The following KCND3 variants were observed in gnomAD, a reference collection of about 807,000 sequenced individuals.
The protein encoded by KCND3 is A-type voltage-gated potassium channel KCND3.
In KCND3, 9 loss-of-function variants were observed where a neutral mutation model predicts 51.1. That is an observed-to-expected ratio of 0.18 (90% CI 0.11 to 0.31). The LOEUF (loss-of-function observed/expected upper bound fraction) is 0.31. Among genes scored for constraint, KCND3 ranks in the 10% least tolerant of loss-of-function variants. The pLI is 1.00. For missense variants in KCND3, 526 were observed against 903.8 expected, an observed-to-expected ratio of 0.58 and a Z score of 5.36; for synonymous variants, 349 against 368.0, an observed-to-expected ratio of 0.95 and a Z score of 0.59.
At position 111,838,593 on chromosome 1, in the gene KCND3, G is replaced by C. The variant is rs575613450; in HGVS notation, c.1107-51487C>G. ...AATGGCTTGAACCTGGGAGGCGGAG[G>C]TTGCAGTGAGCCGAGATCGCACCAC... On this transcript the variant is annotated intron_variant, in intron 2 of 7. Transcript: ENST00000302127. Among the ~76,000 whole-genome samples the C allele has an allele frequency of 1.6e-3, 239 of 152,176 alleles. 2 individuals are homozygous for C. The highest frequency in any genetic ancestry group is 5.3e-3 in the African/African-American group (221 of 41,500).
chr1:111,983,859 G>A (rs966426956), intron 1 of KCND3, among the ~76,000 whole-genome samples: 22 of 152,200 alleles, frequency 1.4e-4, no homozygotes, highest in African/African-American at 5.1e-4. Flanking sequence ...GACAGAGGGA[G>A]CAATGGCACG....
chr1:111,941,463 G>T (rs1672518229), intron 2 of KCND3, among the ~76,000 whole-genome samples: 1 of 152,142 alleles, frequency 6.6e-6, no homozygotes, highest in South Asian at 2.1e-4. Flanking sequence ...CATATCTACT[G>T]GGGTTTTTAT....
chr1:111,965,076 C>A (rs1002259442), intron 2 of KCND3, among the ~76,000 whole-genome samples: 1 of 150,888 alleles, frequency 6.6e-6, no homozygotes, highest in African/African-American at 2.4e-5. Context: ...CCCAAACTGC[C>A]CCCAAACACT....
intron 2 of KCND3, among the ~76,000 whole-genome samples, chr1:111,922,379 C>G (rs1671511047): frequency 6.6e-6 from 1 of 152,214 alleles, no homozygotes; most frequent in Non-Finnish European, 1.5e-5. Flanking sequence ...ACACACCAGA[C>G]CACCAGGTGC....
At chr1:111,976,905 G>A (rs1674662964) in intron 2 of KCND3, among the ~76,000 whole-genome samples, 1 of 152,232 alleles carries the variant, frequency 6.6e-6, no homozygotes, top group Non-Finnish European at 1.5e-5. Context: ...AGGCTGCCAT[G>A]CTGCCTGGAG....
chr1:111,815,891 C>T (rs6692346), intron 2 of KCND3, among the ~76,000 whole-genome samples: 2,414 of 151,924 alleles, frequency 0.016, 61 homozygotes, highest in African/African-American at 0.054. Context: ...GTTCCCCCCC[C>T]ACACAAAAAT....
intron 2 of KCND3, among the ~76,000 whole-genome samples, chr1:111,805,272 C>T (rs938763183): frequency 6.6e-6 from 1 of 152,242 alleles, no homozygotes; most frequent in African/African-American, 2.4e-5. Context: ...ACATACATCT[C>T]AGCCCAGTCC....
Position 111,780,267 on chromosome 1 carries a change from C to T in KCND3, c.1419G>A (p.Glu473=), listed in dbSNP as rs1362159831. The T allele has an allele frequency of 6.3e-7, 1 of 1,588,660 alleles. No individual in the cohort carries two copies. Among genetic ancestry groups the T allele is most frequent in the East Asian group, 2.3e-5 (1 of 44,212 alleles). ...EHMGKTTSLI[E]SQHHHLLHCL... ...AGTGCAGCAGGTGATGATGCTGGCTCTCGATGAGTGAGGTGGTCTTGCCCA... is the reference window on the plus strand; with the variant it reads ...AGTGCAGCAGGTGATGATGCTGGCTTTCGATGAGTGAGGTGGTCTTGCCCA... Residue 473 remains glutamate, a synonymous_variant, in exon 5 of 8, where the codon GAG becomes GAA. Transcript: ENST00000302127. This position sits in a 1 kb window ranked among gnomAD's most constrained non-coding sequence, Gnocchi z 4.2.
At chr1:111,946,592 C>T (rs1282066090) in intron 2 of KCND3, among the ~76,000 whole-genome samples, 1 of 152,216 alleles carries the variant, frequency 6.6e-6, no homozygotes, top group Non-Finnish European at 1.5e-5. Flanking sequence ...TGGCTTAGTG[C>T]ATTCCTGTTT....
At chr1:111,802,156 T>G (rs767965477) in intron 2 of KCND3, among the ~76,000 whole-genome samples, 1 of 152,260 alleles carries the variant, frequency 6.6e-6, no homozygotes, top group African/African-American at 2.4e-5. Context: ...CAGTGCTTAG[T>G]TCTTCTGCAT....
chr1:111,894,206 C>T (rs1483310039), intron 2 of KCND3, among the ~76,000 whole-genome samples: 1 of 152,216 alleles, frequency 6.6e-6, no homozygotes, highest in Non-Finnish European at 1.5e-5. Context: ...CTTGTTCACT[C>T]TGCTCCAGCC....
chr1:111,782,264 T>C (rs1664420842), intron 3 of KCND3, among the ~76,000 whole-genome samples: 1 of 152,192 alleles, frequency 6.6e-6, no homozygotes, highest in South Asian at 2.1e-4. Flanking sequence ...TCTTGCTTCC[T>C]GGGAAGTATC....
chr1:111,846,536 C>A (rs1386133683), intron 2 of KCND3, among the ~76,000 whole-genome samples: 1 of 152,150 alleles, frequency 6.6e-6, no homozygotes, highest in African/African-American at 2.4e-5. Context: ...GACAATGGAG[C>A]TAGACAGCTT....
In KCND3 at chr1:111,780,877, C is replaced by T; in HGVS notation, c.1270-86G>A. Reference sequence around the variant, plus strand: ...CTGGTGAAGCTGTGAGGCTGGCTTCCCAGGTGACACCTGATGAAGGGGATG... The same window carrying T: ...CTGGTGAAGCTGTGAGGCTGGCTTCTCAGGTGACACCTGATGAAGGGGATG... On this transcript the variant is annotated intron_variant, in intron 3 of 7. Coordinates refer to ENST00000302127, the MANE Select transcript of KCND3 (RefSeq NM_001378969.1). The surrounding 1 kb of genome is among the most constrained non-coding windows in gnomAD (Gnocchi z 4.2). 1 of 1,046,848 alleles carries T rather than the reference C, an allele frequency of 9.6e-7. No homozygotes were observed. The highest frequency in any genetic ancestry group is 1.3e-5 in the South Asian group (1 of 74,570). The allele number at this position is 1,046,848 out of a possible 1,614,324, so 64.8% of individuals were successfully genotyped here.
intron 2 of KCND3, among the ~76,000 whole-genome samples, chr1:111,890,346 A>G (rs994063325): frequency 9.9e-5 from 15 of 152,170 alleles, no homozygotes; most frequent in African/African-American, 3.6e-4. Context: ...TGGGCGTGAG[A>G]TTAACAGAGG....
chr1:111,891,668 T>G (rs186836607), intron 2 of KCND3, among the ~76,000 whole-genome samples: 16 of 152,350 alleles, frequency 1.1e-4, no homozygotes, highest in Non-Finnish European at 5.9e-5. Flanking sequence ...AATCATGTCT[T>G]GTGTTGTCTG....
At chr1:111,925,828 C>T (rs1422953912) in intron 2 of KCND3, among the ~76,000 whole-genome samples, 1 of 151,980 alleles carries the variant, frequency 6.6e-6, no homozygotes, top group African/African-American at 2.4e-5. Context: ...AAAGACCAAC[C>T]CCCCAACATG....
At chr1:111,900,375 C>T (rs1670329451) in intron 2 of KCND3, among the ~76,000 whole-genome samples, 1 of 152,226 alleles carries the variant, frequency 6.6e-6, no homozygotes, top group African/African-American at 2.4e-5. Flanking sequence ...ACCTGCCAAA[C>T]ATTCATTTGC....
intron 2 of KCND3, among the ~76,000 whole-genome samples, chr1:111,825,678 AT>A (rs1261269655): frequency 6.6e-6 from 1 of 152,212 alleles, no homozygotes; most frequent in Non-Finnish European, 1.5e-5. Context: ...AGATACCATC[AT>A]TGTATTTTGT....
Sources: allele counts gnomAD v4.1 joint callset (sites outside exome capture counted in the v4.1 genomes callset), GRCh38; gene constraint gnomAD v4.1.1; non-coding constraint Gnocchi (gnomAD v3.1); transcripts MANE v1.5; gene names NCBI Gene and HGNC (gene_info 2026-07-23, HGNC 2026-07-21).